SLC38A4: variants seen among roughly 807,000 people sequenced by gnomAD.
SLC38A4 encodes the protein solute carrier family 38 member 4.
In SLC38A4, 20 loss-of-function variants were observed where a neutral mutation model predicts 63.1. The ratio of observed to expected loss-of-function variants is 0.32; its 90% CI spans 0.22 to 0.46. SLC38A4 has a LOEUF of 0.46. Among genes scored for constraint, SLC38A4 ranks in the 20% least tolerant of loss-of-function variants. The pLI, the probability that SLC38A4 is intolerant of heterozygous loss-of-function variation, is 1.00. For missense variants in SLC38A4, 526 were observed against 663.6 expected (o/e 0.79, Z 2.28); for synonymous variants, 230 against 225.5 (o/e 1.02, Z -0.18).
At position 46,768,311 on chromosome 12, in the gene SLC38A4, C is replaced by A. The variant is rs769964803; in HGVS notation, c.1541G>T (p.Gly514Val). 3 of 1,606,912 alleles carry A rather than the reference C, an allele frequency of 1.9e-6. No homozygotes were observed. Among genetic ancestry groups the A allele is most frequent in the South Asian group, 2.2e-5 (2 of 90,384 alleles). ...KETFRSPQKV[G>V]ALIFLVVGIF... ...GGGGAAATTGCAAGGTTTACTTACC[C>A]CGACCTTTTGGGGTGACCTAAAAGT... The change falls in exon 16 of 17, where the codon GGG (glycine) becomes GTG (valine). Residue 514 changes from glycine to valine, a missense_variant and splice_region_variant. Physicochemically the swap from Gly to Val is moderately radical, Grantham distance 109. Coordinates refer to ENST00000266579, the MANE Select transcript of SLC38A4 (RefSeq NM_018018.5).
chr12:46,787,400 A>G (rs576359267), intron 5 of SLC38A4, among the ~76,000 whole-genome samples: 7 of 152,244 alleles, frequency 4.6e-5, no homozygotes, highest in African/African-American at 1.7e-4. Flanking sequence ...TTCAGGTGAG[A>G]CTGAACTGAC....
In SLC38A4 at chr12:46,769,312, T is replaced by A; in HGVS notation, c.1416A>T (p.Pro472=). ...TGAATCCGAAGATGTATTTTATAGT[T>A]GGCACAAGGATGACCAGAACATTAT... ...ALNNVLVILV[P]TIKYIFGFIG... The change falls in exon 15 of 17, where the codon CCA becomes CCT. Residue 472 remains proline (P), a synonymous_variant. Transcript: ENST00000266579. 1 of 1,613,256 alleles carries A rather than the reference T, an allele frequency of 6.2e-7. No individual in the cohort carries two copies. The highest frequency in any genetic ancestry group is 2.2e-5 in the East Asian group (1 of 44,842).
intron 1 of SLC38A4, among the ~76,000 whole-genome samples, chr12:46,813,075 C>T (rs957541481): frequency 6.6e-6 from 1 of 151,880 alleles, no homozygotes; most frequent in Non-Finnish European, 1.5e-5. Context: ...ACATCAGTGT[C>T]TCTATGTCTT....
At chr12:46,781,822 C>T (rs192905874) in intron 7 of SLC38A4, among the ~76,000 whole-genome samples, 4 of 152,100 alleles carry the variant, frequency 2.6e-5, no homozygotes, top group Non-Finnish European at 5.9e-5. Flanking sequence ...GGTGCTGCCA[C>T]TCAACTTCTT....
chr12:46,779,697 G>A, intron 9 of SLC38A4, 28 bp from the exon 10 acceptor site: 2 of 1,593,582 alleles, frequency 1.3e-6, no homozygotes, highest in South Asian at 1.1e-5. Flanking sequence ...CATTTTGGAA[G>A]GTGAATATGG....
rs760574649 is a variant in SLC38A4, at chr12:46,766,819, C to T, written c.1543-17G>A. The T allele has an allele frequency of 1.9e-6, 3 of 1,551,306 alleles. No individual in the cohort carries two copies. Among genetic ancestry groups the T allele is most frequent in the Non-Finnish European group, 2.7e-6 (3 of 1,126,918 alleles). Reference sequence around the variant, plus strand: ...AATTAAAGCCTGTAATTCAGAGAGACTCTGTTAGGAGCACAGAAACCATAC... The same window carrying T: ...AATTAAAGCCTGTAATTCAGAGAGATTCTGTTAGGAGCACAGAAACCATAC... On this transcript the variant is annotated splice_polypyrimidine_tract_variant and intron_variant, in intron 16 of 16. Transcript: ENST00000266579.
chr12:46,771,467 G>A (rs1051955639), intron 14 of SLC38A4, among the ~76,000 whole-genome samples: 1 of 151,966 alleles, frequency 6.6e-6, no homozygotes, highest in Non-Finnish European at 1.5e-5. Flanking sequence ...GCCTCTGAAT[G>A]TGAAAGCAGT....
chr12:46,807,040 G>A (rs1939247847), intron 1 of SLC38A4, among the ~76,000 whole-genome samples: 1 of 151,948 alleles, frequency 6.6e-6, no homozygotes, highest in South Asian at 2.1e-4. Flanking sequence ...TGCAACGACA[G>A]TGGGAGAGAT....
intron 1 of SLC38A4, among the ~76,000 whole-genome samples, chr12:46,811,049 T>C (rs1939331295): frequency 6.6e-6 from 1 of 152,056 alleles, no homozygotes; most frequent in African/African-American, 2.4e-5. Flanking sequence ...AATGGGCATA[T>C]AATATTTTTT....
chr12:46,798,795 A>AT (rs1160017583), intron 2 of SLC38A4, among the ~76,000 whole-genome samples: 1 of 151,962 alleles, frequency 6.6e-6, no homozygotes, highest in South Asian at 2.1e-4. Flanking sequence ...GGTGAGTACA[A>AT]TTTTTTTTCT....
At chr12:46,810,532 C>G (rs1592193409) in intron 1 of SLC38A4, among the ~76,000 whole-genome samples, 1 of 150,672 alleles carries the variant, frequency 6.6e-6, no homozygotes, top group South Asian at 2.1e-4. Context: ...CCAGAACTTA[C>G]AGTATAATAT....
In SLC38A4 at chr12:46,823,783, C is replaced by T. The variant is rs532946625; in HGVS notation, c.-305+2120G>A. ...GGTGGGAGGAATTCTTCAATGGGTACGGGCTGAAGGGAGGGATTTAGCCTA... is the reference window on the plus strand; with the variant it reads ...GGTGGGAGGAATTCTTCAATGGGTATGGGCTGAAGGGAGGGATTTAGCCTA... On this transcript the variant is annotated intron_variant, in intron 1 of 16. Coordinates refer to ENST00000266579, the MANE Select transcript of SLC38A4 (RefSeq NM_018018.5). 2.8e-4 allele frequency among the ~76,000 whole-genome samples: 42 copies of T among 152,222 alleles called. 1 individual carries two copies. Among genetic ancestry groups the T allele is most frequent in the African/African-American group, 8.4e-4 (35 of 41,524 alleles).
chr12:46,776,673 A>G (rs1938532451), intron 13 of SLC38A4, among the ~76,000 whole-genome samples: 1 of 152,036 alleles, frequency 6.6e-6, no homozygotes, highest in Admixed American at 6.6e-5. Flanking sequence ...TTTGAGGGAT[A>G]TTTTTTATAA....
At chr12:46,831,715 A>ACAGTTCTAT (rs986398425) in intron 1 of SLC38A4, among the ~76,000 whole-genome samples, 1 of 152,208 alleles carries the variant, frequency 6.6e-6, no homozygotes, top group African/African-American at 2.4e-5. Flanking sequence ...ATCAGAGACG[A>ACAGTTCTAT]CAGTTCTATT....
At position 46,817,421 on chromosome 12, in the gene SLC38A4, CTGA is replaced by C. The variant is rs775724824; in HGVS notation, c.-305+8479_-305+8481del. ...CTAGATGCTTGACAGGGAGAAACTT[CTGA>C]TAACTTTAATTGACCTACTAGGTCT... On this transcript the variant is annotated intron_variant, in intron 1 of 16. Transcript: ENST00000266579. 1.6e-3 allele frequency among the ~76,000 whole-genome samples: 249 copies of C among 151,834 alleles called. 1 individual carries two copies. The highest frequency in any genetic ancestry group is 3.7e-3 in the Admixed American group (57 of 15,208).
At chr12:46,788,106 CAT>C in intron 4 of SLC38A4, 75 bp from the exon 5 acceptor site, 1 of 1,069,462 alleles carries the variant, frequency 9.4e-7, no homozygotes, top group East Asian at 2.4e-5. Flanking sequence ...CTTATTCTCA[CAT>C]TATCTGCAGA....
chr12:46,815,429 C>T (rs539686146), intron 1 of SLC38A4, among the ~76,000 whole-genome samples: 1 of 151,460 alleles, frequency 6.6e-6, no homozygotes. Context: ...CCATCCTTCC[C>T]TTTCTTCCTT....
rs1468020901 is a variant in SLC38A4 at position 46,784,625 on chromosome 12, A to G, written c.410T>C (p.Ile137Thr). The G allele has an allele frequency of 6.2e-7, 1 of 1,612,066 alleles. No homozygotes were observed. The highest frequency in any genetic ancestry group is 8.5e-7 in the Non-Finnish European group (1 of 1,178,822). ...LKTAKEGGSL[I>T]YEKLGEKAFG... The stretch of plus-strand genomic sequence containing the variant: ...TGCCTTTTCTCCTAATTTTTCATAA[A>G]TCAAAGACCCTACAATCAAAGATAA... Residue 137 changes from isoleucine to threonine, a missense_variant, in exon 7 of 17, where the codon ATT (isoleucine) becomes ACT (threonine). Ile to Thr is a moderately conservative substitution (Grantham distance 89, BLOSUM62 -1). Transcript: ENST00000266579.
At chr12:46,777,910 G>A (rs749216025) in intron 12 of SLC38A4, among the ~76,000 whole-genome samples, 1 of 152,048 alleles carries the variant, frequency 6.6e-6, no homozygotes, top group African/African-American at 2.4e-5. Flanking sequence ...CTGGCTTATC[G>A]AGGCTGCCCC....
Sources: allele counts gnomAD v4.1 joint callset (sites outside exome capture counted in the v4.1 genomes callset), GRCh38; gene constraint gnomAD v4.1.1; transcripts MANE v1.5; gene names NCBI Gene and HGNC (gene_info 2026-07-23, HGNC 2026-07-21).